Variants in ITGA9 observed in about 807,000 individuals in gnomAD.
The protein encoded by ITGA9 is integrin alpha-9.
Under a neutral mutation model 127.8 loss-of-function variants are expected in ITGA9, and 56 were observed. The ratio of observed to expected loss-of-function variants is 0.44; its 90% CI spans 0.35 to 0.55. The LOEUF is 0.55. Ranked by LOEUF, ITGA9 falls within the 20% of genes least tolerant of loss-of-function variation. ITGA9 has a pLI of 0.00. For synonymous variants in ITGA9, 508 were observed against 514.5 expected (o/e 0.99, Z 0.17); for missense variants, 1,196 against 1,347.1 (o/e 0.89, Z 1.76).
intron 17 of ITGA9, among the ~76,000 whole-genome samples, chr3:37,662,120 G>A (rs1166850808): frequency 5.3e-5 from 8 of 152,090 alleles, no homozygotes; most frequent in Non-Finnish European, 1.2e-4. Flanking sequence ...TACAGCCAGG[G>A]GGCCAGGCGC....
At chr3:37,515,310 T>C (rs904880681) in intron 9 of ITGA9, among the ~76,000 whole-genome samples, 2 of 152,226 alleles carry the variant, frequency 1.3e-5, no homozygotes, top group Non-Finnish European at 2.9e-5. Context: ...CGAAGTGTAC[T>C]GTTAAGCAGT....
At chr3:37,582,356 G>C (rs1046234957) in intron 15 of ITGA9, among the ~76,000 whole-genome samples, 1 of 152,216 alleles carries the variant, frequency 6.6e-6, no homozygotes, top group African/African-American at 2.4e-5. Context: ...TATTTCTCTG[G>C]CCCTGAGGTC....
At chr3:37,544,650 C>T (rs1226838309) in intron 15 of ITGA9, among the ~76,000 whole-genome samples, 1 of 151,700 alleles carries the variant, frequency 6.6e-6, no homozygotes, top group Non-Finnish European at 1.5e-5. Context: ...GCAGATCCAG[C>T]ACAGACCTTG....
chr3:37,800,008 G>A (rs2125560831), intron 26 of ITGA9, among the ~76,000 whole-genome samples: 1 of 152,332 alleles, frequency 6.6e-6, no homozygotes, highest in East Asian at 1.9e-4. Flanking sequence ...GAGTTGTGAT[G>A]TGAGAGAACA....
intron 15 of ITGA9, among the ~76,000 whole-genome samples, chr3:37,606,539 G>A (rs974942978): frequency 6.6e-6 from 1 of 152,180 alleles, no homozygotes; most frequent in South Asian, 2.1e-4. Flanking sequence ...AGCCCCAGGG[G>A]TCCTATGGAT....
intron 15 of ITGA9, among the ~76,000 whole-genome samples, chr3:37,608,569 A>G (rs751828032): frequency 8.5e-5 from 13 of 152,218 alleles, no homozygotes; most frequent in Non-Finnish European, 1.9e-4. Flanking sequence ...TGGGCCCCAG[A>G]TAGTACATTG....
chr3:37,780,640 C>T (rs372693383), intron 25 of ITGA9, among the ~76,000 whole-genome samples: 1 of 152,192 alleles, frequency 6.6e-6, no homozygotes, highest in East Asian at 1.9e-4. Flanking sequence ...ATAAACTTAC[C>T]AGTGCAGGTA....
At position 37,629,580 on chromosome 3, in the gene ITGA9, A is replaced by G. The variant is rs1700210332; in HGVS notation, c.1839+244A>G. The G allele has an allele frequency of 1.6e-6, 1 of 619,638 alleles. No homozygotes were observed. Among genetic ancestry groups the G allele is most frequent in the Non-Finnish European group, 2.9e-6 (1 of 349,820 alleles). 38.4% of individuals were successfully genotyped at this position (619,638 alleles called of 1,614,324 possible). On this transcript the variant is annotated intron_variant, in intron 16 of 27. Transcript: ENST00000264741. This position sits in a 1 kb window ranked among gnomAD's most constrained non-coding sequence, Gnocchi z 4.5. ...AATTCTCAGGCTGTTAGAAGTTACAATCCCCTCGAGTTCGTGAACTGGCTG... is the reference window on the plus strand; with the variant it reads ...AATTCTCAGGCTGTTAGAAGTTACAGTCCCCTCGAGTTCGTGAACTGGCTG...
intron 15 of ITGA9, among the ~76,000 whole-genome samples, chr3:37,615,275 T>C (rs1356122338): frequency 6.6e-6 from 1 of 152,194 alleles, no homozygotes; most frequent in African/African-American, 2.4e-5. Context: ...TGTTTATTGA[T>C]TTGCGTATGT....
rs1257223146 is a variant in ITGA9, at chr3:37,785,032, C to T, written c.2843C>T (p.Ala948Val). 1 of 1,614,062 alleles carries T rather than the reference C, an allele frequency of 6.2e-7. No individual in the cohort carries two copies. Among genetic ancestry groups the T allele is most frequent in the South Asian group, 1.1e-5 (1 of 91,068 alleles). The change falls in exon 26 of 28, where the codon GCC (alanine) becomes GTC (valine). Residue 948 changes from alanine to valine, a missense_variant. Physicochemically the swap from Ala to Val is moderately conservative, Grantham distance 64. Coordinates refer to ENST00000264741, the MANE Select transcript of ITGA9 (RefSeq NM_002207.3). ...MSRAKVKVDPALRVVEIAHGN... is the reference protein window; with the variant it reads ...MSRAKVKVDPVLRVVEIAHGN... ...CGCGCCAAGGTGAAGGTGGATCCTG[C>T]CCTAAGGGTGGTGGAAATAGCTCAT... is the stretch of plus-strand genomic sequence containing the variant.
At chr3:37,496,542 G>A (rs1022231880) in intron 5 of ITGA9, among the ~76,000 whole-genome samples, 8 of 152,138 alleles carry the variant, frequency 5.3e-5, no homozygotes, top group Non-Finnish European at 8.8e-5. Flanking sequence ...AACCCACTGC[G>A]GAATCCTTCT....
At chr3:37,694,040 C>T (rs546821690) in intron 18 of ITGA9, among the ~76,000 whole-genome samples, 1 of 152,218 alleles carries the variant, frequency 6.6e-6, no homozygotes, top group Non-Finnish European at 1.5e-5. Context: ...TAAGTCTTTT[C>T]CGCCCCCTTC....
intron 27 of ITGA9, among the ~76,000 whole-genome samples, chr3:37,818,075 G>C (rs973804149): frequency 6.6e-6 from 1 of 151,138 alleles, no homozygotes; most frequent in Admixed American, 6.6e-5. Context: ...GATCTCTCAA[G>C]ATACTAGGTT....
At chr3:37,640,098 G>GC in intron 16 of ITGA9, among the ~76,000 whole-genome samples, 1 of 152,150 alleles carries the variant, frequency 6.6e-6, no homozygotes, top group Non-Finnish European at 1.5e-5. Flanking sequence ...AGGCAGAATG[G>GC]CCCCCCAAAG....
intron 17 of ITGA9, among the ~76,000 whole-genome samples, chr3:37,655,271 CTG>C (rs1044162581): frequency 6.6e-6 from 1 of 152,246 alleles, no homozygotes; most frequent in African/African-American, 2.4e-5. Flanking sequence ...AATTGCCACA[CTG>C]TTTTCCACAA....
At position 37,629,530 on chromosome 3, in the gene ITGA9, C is replaced by T. The variant is rs1317649943; in HGVS notation, c.1839+194C>T. On this transcript the variant is annotated intron_variant, in intron 16 of 27. Transcript: ENST00000264741. The surrounding 1 kb of genome is among the most constrained non-coding windows in gnomAD (Gnocchi z 4.5). ...CAGTCTTAGGGGTTACTTGTGACTA[C>T]TGTGGGACTTAAACACTTTCAGACA... 6 of 673,068 alleles carry T rather than the reference C, an allele frequency of 8.9e-6. No individual in the cohort carries two copies. Among genetic ancestry groups the T allele is most frequent in the Non-Finnish European group, 1.6e-5 (6 of 380,170 alleles). The allele number at this position is 673,068 out of a possible 1,614,324, so 41.7% of individuals were successfully genotyped here.
At chr3:37,711,413 A>G (rs924394134) in intron 18 of ITGA9, among the ~76,000 whole-genome samples, 13 of 152,260 alleles carry the variant, frequency 8.5e-5, no homozygotes, top group South Asian at 6.2e-4. Flanking sequence ...CTTCTGCCAC[A>G]TTCTGTTTTT....
At chr3:37,656,100 G>T (rs1369732569) in intron 17 of ITGA9, among the ~76,000 whole-genome samples, 10 of 152,158 alleles carry the variant, frequency 6.6e-5, no homozygotes, top group Admixed American at 6.5e-4. Flanking sequence ...CTGTGGCCTT[G>T]TAGTATAGTT....
At chr3:37,770,038 C>T (rs1360348872) in intron 23 of ITGA9, among the ~76,000 whole-genome samples, 1 of 152,124 alleles carries the variant, frequency 6.6e-6, no homozygotes, top group Non-Finnish European at 1.5e-5. Flanking sequence ...TCAGTTTTCT[C>T]ATCTGTAAAA....
Sources: allele counts gnomAD v4.1 joint callset (sites outside exome capture counted in the v4.1 genomes callset), GRCh38; gene constraint gnomAD v4.1.1; non-coding constraint Gnocchi (gnomAD v3.1); transcripts MANE v1.5; gene names NCBI Gene and HGNC (gene_info 2026-07-23, HGNC 2026-07-21).